CNTNAP2: variants seen among roughly 807,000 people sequenced by gnomAD.
CNTNAP2 encodes the protein contactin associated protein 2, also known as contactin-associated protein-like 2.
A neutral mutation model predicts 155.2 loss-of-function variants in CNTNAP2; 98 were observed. The ratio of observed to expected loss-of-function variants is 0.63; its 90% CI spans 0.54 to 0.75. CNTNAP2 has a LOEUF of 0.75. Ranked by LOEUF, CNTNAP2 falls within the 30% of genes least tolerant of loss-of-function variation. The probability of loss-of-function intolerance (pLI) is 0.00; values close to 1 mark genes in which losing one functional copy is unlikely to be tolerated. For missense variants in CNTNAP2, 1,727 were observed against 1,688.1 expected (o/e 1.02, Z -0.40); for synonymous variants, 651 against 631.2 (o/e 1.03, Z -0.47).
At position 147,933,085 on chromosome 7, in the gene CNTNAP2, G is replaced by GTTT. The variant is rs56994949; in HGVS notation, c.2255+29365_2255+29367dup. Among the ~76,000 whole-genome samples, 2 of 151,010 alleles carry GTTT rather than the reference G, an allele frequency of 1.3e-5. 1 individual carries two copies. The highest frequency in any genetic ancestry group is 4.2e-4 in the South Asian group (2 of 4,782). On this transcript the variant is annotated intron_variant, in intron 14 of 23. Transcript: ENST00000361727. Reference sequence around the variant, plus strand: ...TGTTTGTTTGTTTGTTTGTTTGTTTGTTTGTTTGTTTTGAGACAGAATCTT... The same window carrying GTTT: ...TGTTTGTTTGTTTGTTTGTTTGTTTGTTTTTTGTTTGTTTTGAGACAGAATCTT...
At chr7:148,062,247 C>A (rs1424802197) in intron 15 of CNTNAP2, among the ~76,000 whole-genome samples, 3 of 151,482 alleles carry the variant, frequency 2.0e-5, no homozygotes, top group African/African-American at 7.3e-5. Flanking sequence ...AAGGAAAAAC[C>A]GGGTAACTAT....
In CNTNAP2 at chr7:147,926,680, T is replaced by A. The variant is rs151288109; in HGVS notation, c.2255+22959T>A. On this transcript the variant is annotated intron_variant, in intron 14 of 23. Coordinates refer to ENST00000361727, the MANE Select transcript of CNTNAP2 (RefSeq NM_014141.6). Reference sequence around the variant, plus strand: ...TATAACCTTTGAACCAAAGTTTATCTTATAAACACGTAAGATAAATGTCAA... The same window carrying A: ...TATAACCTTTGAACCAAAGTTTATCATATAAACACGTAAGATAAATGTCAA... 5.6e-3 allele frequency among the ~76,000 whole-genome samples: 856 copies of A among 152,304 alleles called. 26 individuals carry two copies. In the South Asian group the frequency reaches 0.078, roughly 14 times the overall value.
At chr7:147,058,887 G>A (rs999739987) in intron 4 of CNTNAP2, among the ~76,000 whole-genome samples, 2 of 152,212 alleles carry the variant, frequency 1.3e-5, no homozygotes, top group Non-Finnish European at 2.9e-5. Context: ...TTACAGGCAT[G>A]AGCCACCATT....
intron 1 of CNTNAP2, among the ~76,000 whole-genome samples, chr7:146,182,817 C>T (rs189241677): frequency 1.3e-5 from 2 of 152,280 alleles, no homozygotes; most frequent in Non-Finnish European, 2.9e-5. Context: ...ACTCATGTCT[C>T]TCTCACTCTT....
chr7:146,931,014 T>C (rs1272923598), intron 3 of CNTNAP2, among the ~76,000 whole-genome samples: 1 of 152,010 alleles, frequency 6.6e-6, no homozygotes, highest in Non-Finnish European at 1.5e-5. Flanking sequence ...ACTGTCAACA[T>C]CAGACAGATC....
chr7:147,882,541 G>A (rs1799538486), intron 13 of CNTNAP2, among the ~76,000 whole-genome samples: 1 of 152,176 alleles, frequency 6.6e-6, no homozygotes, highest in African/African-American at 2.4e-5. Flanking sequence ...TTGCAGATCT[G>A]TAGGATTTAT....
chr7:146,823,614 T>C (rs1242590036), intron 2 of CNTNAP2, among the ~76,000 whole-genome samples: 1 of 151,528 alleles, frequency 6.6e-6, no homozygotes, highest in Non-Finnish European at 1.5e-5. Context: ...ATACTCATTC[T>C]TCAGTATATT....
chr7:147,294,407 CT>C (rs1486659059), intron 8 of CNTNAP2, among the ~76,000 whole-genome samples: 1 of 152,176 alleles, frequency 6.6e-6, no homozygotes, highest in Non-Finnish European at 1.5e-5. Flanking sequence ...CTACACATTT[CT>C]GTAGAACAAA....
chr7:146,806,622 G>C (rs1397795470), intron 2 of CNTNAP2, among the ~76,000 whole-genome samples: 1 of 152,152 alleles, frequency 6.6e-6, no homozygotes, highest in African/African-American at 2.4e-5. Flanking sequence ...TGTAGAGCAG[G>C]AATGAGGAAC....
intron 1 of CNTNAP2, among the ~76,000 whole-genome samples, chr7:146,379,866 G>C (rs1795357012): frequency 6.6e-6 from 1 of 152,058 alleles, no homozygotes; most frequent in Non-Finnish European, 1.5e-5. Flanking sequence ...GAAAAAAAAA[G>C]ACACTTCCAT....
chr7:146,427,191 C>A (rs1291083037), intron 1 of CNTNAP2, among the ~76,000 whole-genome samples: 3 of 152,070 alleles, frequency 2.0e-5, no homozygotes, highest in African/African-American at 7.2e-5. Context: ...TTAAGTTTCA[C>A]CTCCAAGGTC....
At chr7:148,392,166 G>A (rs1436063367) in intron 22 of CNTNAP2, among the ~76,000 whole-genome samples, 1 of 142,772 alleles carries the variant, frequency 7.0e-6, no homozygotes, top group Admixed American at 6.8e-5. Context: ...CTCCACCTCC[G>A]GGGTACAAGC....
chr7:147,225,505 G>T (rs1424060943), intron 8 of CNTNAP2, among the ~76,000 whole-genome samples: 1 of 152,002 alleles, frequency 6.6e-6, no homozygotes, highest in African/African-American at 2.4e-5. Flanking sequence ...AGTACCCTTT[G>T]CAGTTTGACC....
intron 1 of CNTNAP2, among the ~76,000 whole-genome samples, chr7:146,265,016 G>T (rs1161468560): frequency 6.6e-6 from 1 of 152,098 alleles, no homozygotes; most frequent in Non-Finnish European, 1.5e-5. Context: ...TTTAGGGGCT[G>T]AAAGGAGAAA....
intron 1 of CNTNAP2, among the ~76,000 whole-genome samples, chr7:146,417,000 G>A (rs1004360962): frequency 2.0e-5 from 3 of 152,030 alleles, no homozygotes; most frequent in African/African-American, 7.2e-5. Context: ...TTCTAAGTGA[G>A]GACAACTTGG....
At chr7:148,391,997 T>C (rs1799361394) in intron 22 of CNTNAP2, among the ~76,000 whole-genome samples, 1 of 152,244 alleles carries the variant, frequency 6.6e-6, no homozygotes, top group African/African-American at 2.4e-5. Flanking sequence ...AAAATATCAT[T>C]AAAATAGATG....
chr7:147,712,216 G>C (rs1021546179), intron 13 of CNTNAP2, among the ~76,000 whole-genome samples: 1 of 152,182 alleles, frequency 6.6e-6, no homozygotes, highest in African/African-American at 2.4e-5. Context: ...ACACCAGTTA[G>C]AATGGCGGTC....
chr7:147,136,918 TA>T (rs1170023775), intron 8 of CNTNAP2, among the ~76,000 whole-genome samples: 1 of 151,932 alleles, frequency 6.6e-6, no homozygotes. Flanking sequence ...GTTTCAGCAT[TA>T]CTACAAATAC....
intron 9 of CNTNAP2, among the ~76,000 whole-genome samples, chr7:147,391,671 G>A (rs923754416): frequency 1.3e-5 from 2 of 152,006 alleles, no homozygotes; most frequent in Non-Finnish European, 2.9e-5. Flanking sequence ...TTGTTTAACT[G>A]AAAAGACCTG....
Sources: gnomAD v4.1 joint callset for allele counts (sites outside exome capture counted in the v4.1 genomes callset) on GRCh38, gnomAD v4.1.1 for gene constraint, MANE v1.5 for transcripts, NCBI Gene and HGNC (gene_info 2026-07-23, HGNC 2026-07-21) for gene names.